Variants in MAP4K5 observed in about 807,000 individuals in gnomAD.
The protein encoded by MAP4K5 is mitogen-activated protein kinase kinase kinase kinase 5, also known as MAPK/ERK kinase kinase kinase 5.
Under a neutral mutation model 135.6 loss-of-function variants are expected in MAP4K5, and 82 were observed. That is an observed-to-expected ratio of 0.60 (90% confidence interval 0.51 to 0.73). The LOEUF (loss-of-function observed/expected upper bound fraction) is 0.73. MAP4K5 is among the 30% of genes least tolerant of loss of function. The pLI, the probability that MAP4K5 is intolerant of heterozygous loss-of-function variation, is 0.00. For synonymous variants in MAP4K5, 347 were observed against 335.0 expected (o/e 1.04, Z -0.39); for missense variants, 907 against 1,010.9 (o/e 0.90, Z 1.39).
In MAP4K5 at chr14:50,419,251, C is replaced by T. The variant is rs1182090842; in HGVS notation, c.*768G>A. 6.6e-6 allele frequency: 1 copy of T among 152,058 alleles called. No individual in the cohort carries two copies. The highest frequency in any genetic ancestry group is 2.4e-5 in the African/African-American group (1 of 41,420). 9.4% of individuals were successfully genotyped at this position (152,058 alleles called of 1,614,324 possible). ...GGTAGACACAGCTAGACATACACAC[C>T]CCTTCTAAGAATATTTCAACTATCA... On this transcript the variant is annotated 3_prime_UTR_variant, in exon 33 of 33. Transcript: ENST00000682126.
At chr14:50,472,154 G>GTA (rs1268692059) in intron 9 of MAP4K5, 1 of 138,576 alleles carries the variant, frequency 7.2e-6, no homozygotes, top group Admixed American at 7.2e-5. Context: ...GAAACTCTAT[G>GTA]AAGGTAAAAA....
intron 11 of MAP4K5, among the ~76,000 whole-genome samples, chr14:50,465,599 C>T (rs1055787756): frequency 6.6e-6 from 1 of 152,092 alleles, no homozygotes; most frequent in African/African-American, 2.4e-5. Context: ...TATCTGGAAA[C>T]CCTTTTCATA....
intron 2 of MAP4K5, among the ~76,000 whole-genome samples, chr14:50,516,830 T>C (rs528874886): frequency 1.3e-5 from 2 of 152,240 alleles, no homozygotes; most frequent in African/African-American, 2.4e-5. Flanking sequence ...CTACTCCTTC[T>C]ACTATATGAC....
At position 50,464,456 on chromosome 14, in the gene MAP4K5, C is replaced by G. The variant is rs958184809; in HGVS notation, c.738-323G>C. ...GTCCTTTTCTCATTGCATAATTTAC[C>G]TAGTATGTAAATATTGTGCTATACC... On this transcript the variant is annotated intron_variant, in intron 11 of 32. Transcript: ENST00000682126. Among the ~76,000 whole-genome samples the G allele has an allele frequency of 3.3e-5, 5 of 151,876 alleles. No individual in the cohort carries two copies. In the South Asian group the frequency reaches 1.0e-3, roughly 32 times the overall value.
chr14:50,420,964 C>A (rs906000437), intron 32 of MAP4K5, among the ~76,000 whole-genome samples: 4 of 150,940 alleles, frequency 2.7e-5, no homozygotes, highest in African/African-American at 9.7e-5. Flanking sequence ...AAATAATATA[C>A]CCATGCAGAG....
rs189435226 is a variant in MAP4K5 at position 50,476,708 on chromosome 14, C to T, written c.379-402G>A. ...AACTCCTGACCTCAAGTGATCCACC[C>T]GCCTCAGCCTCCCAAAGTGGTGGGA... On this transcript the variant is annotated intron_variant, in intron 6 of 32. Coordinates refer to ENST00000682126, the MANE Select transcript of MAP4K5 (RefSeq NM_006575.6). Among the ~76,000 whole-genome samples the T allele has an allele frequency of 3.8e-4, 58 of 152,318 alleles. 1 individual carries two copies. Among genetic ancestry groups the T allele is most frequent in the Admixed American group, 2.3e-3 (35 of 15,302 alleles).
At chr14:50,454,334 A>G (rs2036554603) in intron 14 of MAP4K5, among the ~76,000 whole-genome samples, 2 of 152,162 alleles carry the variant, frequency 1.3e-5, no homozygotes, top group Admixed American at 6.5e-5. Context: ...TGAGATTCTG[A>G]TCATGTTCTA....
rs536703721 is a variant in MAP4K5 at position 50,422,852 on chromosome 14, ATAG to A, written c.2453+266_2453+268del. On this transcript the variant is annotated intron_variant, in intron 32 of 32. Coordinates refer to ENST00000682126, the MANE Select transcript of MAP4K5 (RefSeq NM_006575.6). Reference sequence around the variant, plus strand: ...GACAAACGGGCCCGAAATAGCTCTCATAGTACTAGGGACATCAACATCTATATC... The same window carrying A: ...GACAAACGGGCCCGAAATAGCTCTCATACTAGGGACATCAACATCTATATC... 1.2e-4 allele frequency among the ~76,000 whole-genome samples: 18 copies of A among 152,338 alleles called. 1 individual carries two copies. Among genetic ancestry groups the A allele is most frequent in the African/African-American group, 4.3e-4 (18 of 41,572 alleles).
rs756037799 is a variant in MAP4K5, at chr14:50,434,439, T to C, written c.2119A>G (p.Ile707Val). The C allele has an allele frequency of 1.9e-6, 3 of 1,610,146 alleles. No homozygotes were observed. Among genetic ancestry groups the C allele is most frequent in the South Asian group, 2.2e-5 (2 of 90,154 alleles). Residue 707 changes from isoleucine (I) to valine (V), a missense_variant, in exon 28 of 33, where the codon ATC becomes GTC. Around this residue, in one of 3 missense-constraint regions of MAP4K5, gnomAD observed 690 missense variants for 777.4 expected, o/e 0.89. Coordinates refer to ENST00000682126, the MANE Select transcript of MAP4K5 (RefSeq NM_006575.6). Reference sequence around the variant, plus strand: ...CATGAAGATGCAGAGTTCAAATTGATTGTCTCAAACTGAACTACCTGATTC... The same window carrying C: ...CATGAAGATGCAGAGTTCAAATTGACTGTCTCAAACTGAACTACCTGATTC... ...ESNQVVQFET[I>V]NLNSASSWFT...
At chr14:50,518,380 A>G (rs1191276724) in intron 2 of MAP4K5, among the ~76,000 whole-genome samples, 11 of 152,104 alleles carry the variant, frequency 7.2e-5, no homozygotes, top group Admixed American at 7.2e-4. Flanking sequence ...CCTGTCCTCT[A>G]AGTTACTTCT....
chr14:50,439,917 G>T, intron 23 of MAP4K5, 96 bp downstream of exon 23: 2 of 1,203,116 alleles, frequency 1.7e-6, no homozygotes, highest in Non-Finnish European at 2.3e-6. Flanking sequence ...TTAGATTATA[G>T]TCATCCAGAA....
At chr14:50,467,292 T>C (rs1439663626) in intron 10 of MAP4K5, among the ~76,000 whole-genome samples, 1 of 152,066 alleles carries the variant, frequency 6.6e-6, no homozygotes, top group Non-Finnish European at 1.5e-5. Flanking sequence ...TCTAAGCAAA[T>C]TCCTGTTTCT....
chr14:50,463,142 A>T (rs1386664545), intron 12 of MAP4K5, among the ~76,000 whole-genome samples: 2 of 152,236 alleles, frequency 1.3e-5, no homozygotes, highest in Non-Finnish European at 2.9e-5. Flanking sequence ...ACAATAAGAA[A>T]AAAGCATGTA....
chr14:50,532,253 C>G (rs1465847747), intron 1 of MAP4K5, 95 bp from the exon 2 acceptor site: 7 of 529,754 alleles, frequency 1.3e-5, no homozygotes, highest in Non-Finnish European at 2.0e-5. Flanking sequence ...TTCCGTCCCG[C>G]CAGGGGCCGT....
chr14:50,523,771 G>T (rs1007874575), intron 2 of MAP4K5, among the ~76,000 whole-genome samples: 15 of 152,064 alleles, frequency 9.9e-5, no homozygotes, highest in African/African-American at 3.6e-4. Flanking sequence ...TGTCCGCTTT[G>T]TTCACTAGAT....
chr14:50,467,377 C>A (rs887075089), intron 10 of MAP4K5, among the ~76,000 whole-genome samples: 1 of 151,920 alleles, frequency 6.6e-6, no homozygotes, highest in African/African-American at 2.4e-5. Context: ...AAACTATATT[C>A]CCACCATTCT....
intron 11 of MAP4K5, among the ~76,000 whole-genome samples, chr14:50,466,200 G>A (rs1447410423): frequency 6.6e-6 from 1 of 151,788 alleles, no homozygotes; most frequent in Non-Finnish European, 1.5e-5. Flanking sequence ...AACATAGTGA[G>A]ACCCTGTCTC....
At chr14:50,469,510 A>G (rs1293556856) in intron 9 of MAP4K5, among the ~76,000 whole-genome samples, 1 of 152,152 alleles carries the variant, frequency 6.6e-6, no homozygotes, top group Non-Finnish European at 1.5e-5. Flanking sequence ...TGAAAGATTT[A>G]ATTATGAGGT....
At chr14:50,460,319 G>GC (rs10714262) in intron 13 of MAP4K5, among the ~76,000 whole-genome samples, 7 of 151,802 alleles carry the variant, frequency 4.6e-5, no homozygotes, top group South Asian at 4.2e-4. Context: ...ATACCATTGT[G>GC]CCCCCCCAAC....
Sources: allele counts gnomAD v4.1 joint callset (sites outside exome capture counted in the v4.1 genomes callset), GRCh38; gene constraint gnomAD v4.1.1; regional missense constraint gnomAD v4.1.1; transcripts MANE v1.5; gene names NCBI Gene and HGNC (gene_info 2026-07-23, HGNC 2026-07-21).